The following STK32B variants were observed in gnomAD, a reference collection of about 807,000 sequenced individuals.
STK32B encodes the protein serine/threonine-protein kinase 32B.
Under a neutral mutation model 52.6 loss-of-function variants are expected in STK32B, and 43 were observed. The ratio of observed to expected loss-of-function variants is 0.82; its 90% CI spans 0.64 to 1.05. STK32B has a LOEUF of 1.05. Among genes scored for constraint, STK32B ranks in the 50% least tolerant of loss-of-function variants. The pLI is 0.00. For missense variants in STK32B, 621 were observed against 534.6 expected (o/e 1.16, Z -1.59); for synonymous variants, 238 against 204.3 (o/e 1.17, Z -1.41).
chr4:5,062,541 C>T (rs928286747), intron 1 of STK32B, among the ~76,000 whole-genome samples: 9 of 152,120 alleles, frequency 5.9e-5, no homozygotes, highest in Admixed American at 3.9e-4. Context: ...GAGTCTTGCA[C>T]TGTCGCCCAG....
chr4:5,178,518 C>A lies in STK32B; in HGVS notation c.260+10068C>A, dbSNP rs997117947. On this transcript the variant is annotated intron_variant, in intron 3 of 11. Coordinates refer to ENST00000282908, the MANE Select transcript of STK32B (RefSeq NM_018401.3). ...GGCTCCTCATTACTTATGCAAATTT[C>A]TACAGCCGCCTTGAATTTCTTCCCC... is the stretch of plus-strand genomic sequence containing the variant. Among the ~76,000 whole-genome samples, 91 of 152,340 alleles carry A rather than the reference C, an allele frequency of 6.0e-4. 2 individuals carry two copies. The highest frequency in any genetic ancestry group is 3.9e-4 in the East Asian group (2 of 5,178).
At chr4:5,227,322 CCA>C (rs1321584071) in intron 3 of STK32B, among the ~76,000 whole-genome samples, 1 of 152,062 alleles carries the variant, frequency 6.6e-6, no homozygotes, top group Non-Finnish European at 1.5e-5. Flanking sequence ...GTTCTTTTAC[CCA>C]CGCATGATTT....
At chr4:5,190,171 G>A (rs929363253) in intron 3 of STK32B, among the ~76,000 whole-genome samples, 2 of 152,134 alleles carry the variant, frequency 1.3e-5, no homozygotes, top group East Asian at 1.9e-4. Context: ...AAAAAACTGG[G>A]ATTTTGACCT....
At chr4:5,240,398 GCTTAA>G (rs1724939763) in intron 3 of STK32B, among the ~76,000 whole-genome samples, 1 of 151,960 alleles carries the variant, frequency 6.6e-6, no homozygotes, top group Non-Finnish European at 1.5e-5. Context: ...CAAGTCTGTG[GCTTAA>G]CTTTTCACTC....
At chr4:5,187,033 A>G (rs1720799203) in intron 3 of STK32B, among the ~76,000 whole-genome samples, 6 of 152,228 alleles carry the variant, frequency 3.9e-5, no homozygotes, top group Admixed American at 3.9e-4. Context: ...ACGCAGTACA[A>G]AAACAGGAAT....
intron 4 of STK32B, among the ~76,000 whole-genome samples, chr4:5,384,573 C>CTG (rs1560370691): frequency 3.9e-5 from 6 of 152,066 alleles, no homozygotes; most frequent in Non-Finnish European, 7.4e-5. Flanking sequence ...TCTGCAGCCA[C>CTG]GTTCAGCTGG....
At chr4:5,385,454 G>T (rs1456237859) in intron 4 of STK32B, among the ~76,000 whole-genome samples, 3 of 148,762 alleles carry the variant, frequency 2.0e-5, no homozygotes, top group Non-Finnish European at 3.0e-5. Context: ...GTTGGAGGGA[G>T]GGGGGTTTTG....
intron 3 of STK32B, among the ~76,000 whole-genome samples, chr4:5,210,747 A>G (rs1035455206): frequency 4.6e-5 from 7 of 152,192 alleles, no homozygotes; most frequent in African/African-American, 1.4e-4. Flanking sequence ...TATAGTTGCA[A>G]AAGTGTTTTC....
At chr4:5,210,620 C>T (rs190111736) in intron 3 of STK32B, among the ~76,000 whole-genome samples, 2 of 152,170 alleles carry the variant, frequency 1.3e-5, no homozygotes, top group African/African-American at 4.8e-5. Context: ...AAGGCAGGGA[C>T]CAGGTGTGAA....
intron 4 of STK32B, among the ~76,000 whole-genome samples, chr4:5,371,386 A>G (rs1046514971): frequency 2.7e-4 from 41 of 152,184 alleles, no homozygotes; most frequent in Non-Finnish European, 1.5e-4. Flanking sequence ...GTTTCTTGCT[A>G]AAGTGACTTA....
intron 3 of STK32B, among the ~76,000 whole-genome samples, chr4:5,326,950 T>A (rs1731918138): frequency 6.6e-6 from 1 of 152,184 alleles, no homozygotes; most frequent in African/African-American, 2.4e-5. Context: ...CTACAGCCGC[T>A]TTATCAACTA....
In STK32B at chr4:5,298,029, ACAGT is replaced by A. The variant is rs1218662452; in HGVS notation, c.261-33187_261-33184del. Among the ~76,000 whole-genome samples the A allele has an allele frequency of 1.9e-4, 29 of 152,200 alleles. No homozygotes were observed. The East Asian group carries it at 5.2e-3, about 27-fold the overall frequency. On this transcript the variant is annotated intron_variant, in intron 3 of 11. Transcript: ENST00000282908. ...TTTCTGTTTGTTAGTTTTCATTCTGACAGTCAGGCCCCTCTTCTGCAGGTCTGCT... is the reference window on the plus strand; with the variant it reads ...TTTCTGTTTGTTAGTTTTCATTCTGACAGGCCCCTCTTCTGCAGGTCTGCT...
chr4:5,495,757 G>A (rs2108733787), intron 11 of STK32B, among the ~76,000 whole-genome samples: 1 of 152,226 alleles, frequency 6.6e-6, no homozygotes, highest in African/African-American at 2.4e-5. Flanking sequence ...GGTTTTTGGT[G>A]TGGATGTCCT....
chr4:5,145,468 A>G (rs1484586789), intron 2 of STK32B, among the ~76,000 whole-genome samples: 1 of 152,206 alleles, frequency 6.6e-6, no homozygotes, highest in Non-Finnish European at 1.5e-5. Flanking sequence ...AATATAGAAT[A>G]TCACCATCCA....
intron 3 of STK32B, among the ~76,000 whole-genome samples, chr4:5,295,338 A>G (rs1729127991): frequency 6.6e-6 from 1 of 152,168 alleles, no homozygotes. Flanking sequence ...GCATAGTTTC[A>G]GAAGGAATGG....
chr4:5,228,143 G>T (rs1051475976), intron 3 of STK32B, among the ~76,000 whole-genome samples: 1 of 152,152 alleles, frequency 6.6e-6, no homozygotes, highest in African/African-American at 2.4e-5. Context: ...CCACCAATGT[G>T]TTTGTGCAAG....
intron 4 of STK32B, among the ~76,000 whole-genome samples, chr4:5,356,582 G>T (rs1270957304): frequency 1.3e-5 from 2 of 152,102 alleles, no homozygotes; most frequent in Non-Finnish European, 1.5e-5. Context: ...CTTCACTAGG[G>T]CTTCCCTGCA....
chr4:5,180,510 C>T (rs1276980598), intron 3 of STK32B, among the ~76,000 whole-genome samples: 1 of 152,152 alleles, frequency 6.6e-6, no homozygotes, highest in African/African-American at 2.4e-5. Flanking sequence ...ATCACAGCTG[C>T]TGTGATGGGG....
Position 5,254,624 on chromosome 4 carries a change from T to C in STK32B, c.261-76596T>C, listed in dbSNP as rs1434810852. Among the ~76,000 whole-genome samples the C allele has an allele frequency of 2.6e-5, 4 of 152,338 alleles. No homozygotes were observed. In the South Asian group the frequency reaches 6.2e-4, roughly 24 times the overall value. ...CAATTTCTATAGTAATTTCCACTTCTAATTTTTGAGAAGTGTGTTATAAAA... is the reference window on the plus strand; with the variant it reads ...CAATTTCTATAGTAATTTCCACTTCCAATTTTTGAGAAGTGTGTTATAAAA... On this transcript the variant is annotated intron_variant, in intron 3 of 11. Transcript: ENST00000282908.
Sources: gnomAD v4.1 joint callset for allele counts (sites outside exome capture counted in the v4.1 genomes callset) on GRCh38, gnomAD v4.1.1 for gene constraint, MANE v1.5 for transcripts, NCBI Gene and HGNC (gene_info 2026-07-23, HGNC 2026-07-21) for gene names.